CABLES1: variants seen among roughly 807,000 people sequenced by gnomAD.
CABLES1 encodes CDK5 and ABL1 enzyme substrate 1.
CABLES1 carries 36 observed loss-of-function variants against 57.8 expected under a neutral mutation model. That is an observed-to-expected ratio of 0.62 (90% CI 0.48 to 0.82). CABLES1 has a LOEUF of 0.82. CABLES1 is among the 40% of genes least tolerant of loss of function. The pLI is 0.00. For synonymous variants in CABLES1, 374 were observed against 363.0 expected (o/e 1.03, Z -0.35); for missense variants, 767 against 836.6 (o/e 0.92, Z 1.03).
chr18:23,256,147 T>G (rs1344498006), intron 9 of CABLES1, among the ~76,000 whole-genome samples: 10 of 152,238 alleles, frequency 6.6e-5, no homozygotes. Flanking sequence ...AGTCAACATC[T>G]GCTCTGTGGG....
At chr18:23,211,267 C>G (rs1180533336) in intron 3 of CABLES1, among the ~76,000 whole-genome samples, 1 of 152,202 alleles carries the variant, frequency 6.6e-6, no homozygotes, top group South Asian at 2.1e-4. Context: ...GAGGAAAATG[C>G]AGCATCGCTA....
At chr18:23,144,958 C>A (rs1214941336) in intron 1 of CABLES1, among the ~76,000 whole-genome samples, 1 of 147,450 alleles carries the variant, frequency 6.8e-6, no homozygotes, top group Admixed American at 6.8e-5. Context: ...TTCTTTGAGA[C>A]GGAGCCTCAC....
chr18:23,256,262 T>C (rs1181799901), intron 9 of CABLES1, among the ~76,000 whole-genome samples: 6 of 152,180 alleles, frequency 3.9e-5, no homozygotes, highest in African/African-American at 1.4e-4. Flanking sequence ...TGGTTCTCCT[T>C]CCTTTCCAGC....
rs34690271 is a variant in CABLES1 at position 23,205,181 on chromosome 18, C to CTTTTTTTTT, written c.1011-8780_1011-8772dup. Among the ~76,000 whole-genome samples, 3 of 81,188 alleles carry CTTTTTTTTT rather than the reference C, an allele frequency of 3.7e-5. 1 individual carries two copies. The highest frequency in any genetic ancestry group is 1.5e-4 in the African/African-American group (3 of 19,700). 53.3% of individuals were successfully genotyped at this position (81,188 alleles called of 152,430 possible). ...AATTCCAAAAGGACTTCATTCCTGA[C>CTTTTTTTTT]TTTTTTTTTTTTTTTTTTTTTTTTG... On this transcript the variant is annotated intron_variant, in intron 3 of 9. Coordinates refer to ENST00000256925, the MANE Select transcript of CABLES1 (RefSeq NM_001100619.3).
At chr18:23,155,566 C>T (rs2046959898) in intron 1 of CABLES1, among the ~76,000 whole-genome samples, 2 of 152,186 alleles carry the variant, frequency 1.3e-5, no homozygotes, top group Admixed American at 1.3e-4. Flanking sequence ...TTAGCATTGG[C>T]ATCTCCCGCT....
chr18:23,182,195 G>A (rs2047172164), intron 1 of CABLES1, among the ~76,000 whole-genome samples: 1 of 152,184 alleles, frequency 6.6e-6, no homozygotes, highest in African/African-American at 2.4e-5. Context: ...CATGTAATGT[G>A]CATATATTAT....
intron 1 of CABLES1, among the ~76,000 whole-genome samples, chr18:23,183,335 C>G (rs1360613779): frequency 1.3e-5 from 2 of 152,206 alleles, no homozygotes; most frequent in Non-Finnish European, 2.9e-5. Context: ...GTGACCAGCC[C>G]TGCGTCCCGG....
intron 1 of CABLES1, among the ~76,000 whole-genome samples, chr18:23,144,002 T>C (rs1223201658): frequency 3.3e-5 from 5 of 152,200 alleles, no homozygotes; most frequent in African/African-American, 1.2e-4. Context: ...GTGTTGTCTT[T>C]ACAGAGGGCA....
intron 1 of CABLES1, among the ~76,000 whole-genome samples, chr18:23,151,153 G>A (rs1271939133): frequency 1.3e-5 from 2 of 151,804 alleles, no homozygotes; most frequent in African/African-American, 4.8e-5. Context: ...CGAGTAGCTG[G>A]GACTACAGGC....
chr18:23,205,908 G>A (rs535087097), intron 3 of CABLES1, among the ~76,000 whole-genome samples: 11 of 152,230 alleles, frequency 7.2e-5, no homozygotes, highest in Admixed American at 3.9e-4. Context: ...GGAGAATGCT[G>A]TGTGAAGATT....
At chr18:23,150,982 G>T (rs967844393) in intron 1 of CABLES1, among the ~76,000 whole-genome samples, 6 of 151,068 alleles carry the variant, frequency 4.0e-5, no homozygotes, top group Admixed American at 2.6e-4. Flanking sequence ...GTCTTTATTA[G>T]AAGCCGCTGG....
intron 1 of CABLES1, among the ~76,000 whole-genome samples, chr18:23,183,997 C>T (rs903382552): frequency 3.3e-5 from 5 of 152,080 alleles, no homozygotes; most frequent in Non-Finnish European, 7.4e-5. Context: ...GAGATGAGCG[C>T]TGCTGAGTGA....
rs1345054397 is a variant in CABLES1 at position 23,243,612 on chromosome 18, C to A, written c.1446+6367C>A. ...CTAACACAGGCCTCGGTGGCTCATGCCTGTAATCCCAGCACTTTGGGAGGC... is the reference window on the plus strand; with the variant it reads ...CTAACACAGGCCTCGGTGGCTCATGACTGTAATCCCAGCACTTTGGGAGGC... On this transcript the variant is annotated intron_variant, in intron 7 of 9. Transcript: ENST00000256925. 4.6e-5 allele frequency among the ~76,000 whole-genome samples: 7 copies of A among 151,682 alleles called. 1 individual carries two copies. The highest frequency in any genetic ancestry group is 4.6e-4 in the Admixed American group (7 of 15,242).
In CABLES1 at chr18:23,220,366, C is replaced by G. The variant is rs139469529; in HGVS notation, c.1088+6312C>G. 5.4e-3 allele frequency among the ~76,000 whole-genome samples: 820 copies of G among 152,292 alleles called. 3 individuals carry two copies. Among genetic ancestry groups the G allele is most frequent in the Non-Finnish European group, 7.4e-3 (501 of 68,020 alleles). On this transcript the variant is annotated intron_variant, in intron 4 of 9. Coordinates refer to ENST00000256925, the MANE Select transcript of CABLES1 (RefSeq NM_001100619.3). The stretch of plus-strand genomic sequence containing the variant: ...GCGCTCACTCGTTTCATCTGCCCAA[C>G]AGCCTCATAAGGCAGGTGCCAGTAT...
At chr18:23,185,468 A>ATAGGGCTCACTT (rs2047196041) in intron 1 of CABLES1, among the ~76,000 whole-genome samples, 6 of 152,024 alleles carry the variant, frequency 3.9e-5, no homozygotes, top group Admixed American at 3.9e-4. Flanking sequence ...TGTGTTCCTG[A>ATAGGGCTCACTT]CAGGGCTCAC....
At position 23,156,953 on chromosome 18, in the gene CABLES1, G is replaced by A. The variant is rs145633407; in HGVS notation, c.845+20346G>A. ...GCTAAGAAAAAGACAAGAATGAGCT[G>A]AGAGAAGGCATGTAGCCTTGGTCAC... On this transcript the variant is annotated intron_variant, in intron 1 of 9. Coordinates refer to ENST00000256925, the MANE Select transcript of CABLES1 (RefSeq NM_001100619.3). Among the ~76,000 whole-genome samples, 9 of 152,296 alleles carry A rather than the reference G, an allele frequency of 5.9e-5. No homozygotes were observed. The East Asian group carries it at 1.5e-3, about 26-fold the overall frequency.
rs1423780476 is a variant in CABLES1 at position 23,161,775 on chromosome 18, A to G, written c.845+25168A>G. On this transcript the variant is annotated intron_variant, in intron 1 of 9. Coordinates refer to ENST00000256925, the MANE Select transcript of CABLES1 (RefSeq NM_001100619.3). ...AATCCAAAAAAAAAAAAAAAAAAAA[A>G]GCCAGGTGTGGTGGTGGGCACCTGT... is the stretch of plus-strand genomic sequence containing the variant. Among the ~76,000 whole-genome samples the G allele has an allele frequency of 1.6e-4, 24 of 148,480 alleles. 1 individual carries two copies. Among genetic ancestry groups the G allele is most frequent in the Admixed American group, 7.4e-4 (11 of 14,952 alleles).
At chr18:23,248,162 CTAAA>C (rs1487636910) in intron 7 of CABLES1, among the ~76,000 whole-genome samples, 2 of 152,218 alleles carry the variant, frequency 1.3e-5, no homozygotes, top group African/African-American at 4.8e-5. Flanking sequence ...CAGGGGTCCT[CTAAA>C]TAAAAATGGG....
chr18:23,201,918 C>G (rs1427799465), intron 3 of CABLES1, among the ~76,000 whole-genome samples: 2 of 152,138 alleles, frequency 1.3e-5, no homozygotes, highest in African/African-American at 4.8e-5. Context: ...GGAGCCAGCC[C>G]TGGGGCTATC....
Sources: gnomAD v4.1 joint callset for allele counts (sites outside exome capture counted in the v4.1 genomes callset) on GRCh38, gnomAD v4.1.1 for gene constraint, MANE v1.5 for transcripts, NCBI Gene and HGNC (gene_info 2026-07-23, HGNC 2026-07-21) for gene names.